Variants in RCOR3 observed in about 807,000 individuals in gnomAD.
RCOR3 encodes REST corepressor 3.
In RCOR3, 13 loss-of-function variants were observed where a neutral mutation model predicts 64.1. The observed-to-expected ratio is 0.20, with a 90% CI of 0.13 to 0.32. The LOEUF (loss-of-function observed/expected upper bound fraction) is 0.32. RCOR3 is among the 10% of genes least tolerant of loss of function. The pLI, the probability that RCOR3 is intolerant of heterozygous loss-of-function variation, is 1.00. For missense variants in RCOR3, 489 were observed against 701.2 expected (o/e 0.70, Z 3.42); for synonymous variants, 215 against 239.0 (o/e 0.90, Z 0.93).
At chr1:211,266,484 G>A (rs1447295680) in intron 2 of RCOR3, among the ~76,000 whole-genome samples, 3 of 152,158 alleles carry the variant, frequency 2.0e-5, no homozygotes, top group African/African-American at 7.2e-5. Flanking sequence ...ACTTAAAACT[G>A]AAGACAACTG....
chr1:211,312,629 T>C lies in RCOR3; in HGVS notation c.1076-91T>C. 9.1e-6 allele frequency: 8 copies of C among 878,328 alleles called. No individual in the cohort carries two copies. In the South Asian group the frequency reaches 1.1e-4, roughly 12 times the overall value. The allele number at this position is 878,328 out of a possible 1,614,324, so 54.4% of individuals were successfully genotyped here. ...CAGAGTTTATCAGAAAGGAATTTCA[T>C]TGCTGGTATCTTTTGTGTGTGCATG... is the stretch of plus-strand genomic sequence containing the variant. On this transcript the variant is annotated intron_variant, in intron 10 of 11. Transcript: ENST00000419091. This position sits in a 1 kb window ranked among gnomAD's most constrained non-coding sequence, Gnocchi z 5.0.
chr1:211,277,073 G>A (rs61850990), intron 5 of RCOR3, among the ~76,000 whole-genome samples: 6,678 of 148,066 alleles, frequency 0.045, 204 homozygotes, highest in Non-Finnish European at 0.069. Context: ...GCAACAGCGC[G>A]AGACTCTGTC....
At chr1:211,262,872 T>C (rs1181021198) in intron 2 of RCOR3, among the ~76,000 whole-genome samples, 4 of 40,416 alleles carry the variant, frequency 9.9e-5, no homozygotes, top group Non-Finnish European at 2.4e-4. Flanking sequence ...TTAAACAACT[T>C]TTTTTTTTTA....
intron 2 of RCOR3, among the ~76,000 whole-genome samples, chr1:211,266,229 A>G (rs12403576): frequency 0.49 from 75,030 of 152,006 alleles, 21,170 homozygotes; most frequent in East Asian, 0.63. Context: ...AAAATGTTAA[A>G]ATATGTTTAG....
intron 9 of RCOR3, among the ~76,000 whole-genome samples, chr1:211,300,924 G>A (rs1357913588): frequency 5.9e-5 from 9 of 151,996 alleles, no homozygotes; most frequent in Non-Finnish European, 1.3e-4. Flanking sequence ...GTGCGTGTGT[G>A]TGTGTGTAAA....
chr1:211,271,117 A>T, intron 2 of RCOR3, 115 bp from the exon 3 acceptor site: 1 of 758,316 alleles, frequency 1.3e-6, no homozygotes, highest in Non-Finnish European at 2.1e-6. Flanking sequence ...TCGGCCTCCC[A>T]AAGTACTGGG....
intron 9 of RCOR3, among the ~76,000 whole-genome samples, chr1:211,301,001 A>C (rs1342953186): frequency 6.6e-6 from 1 of 152,146 alleles, no homozygotes; most frequent in Non-Finnish European, 1.5e-5. Context: ...GGTCCACTCC[A>C]ATGCTGGAGG....
At chr1:211,296,708 A>G (rs1273846437) in intron 9 of RCOR3, among the ~76,000 whole-genome samples, 1 of 152,166 alleles carries the variant, frequency 6.6e-6, no homozygotes, top group East Asian at 1.9e-4. Flanking sequence ...TATGGAAAAG[A>G]GTGAAAAATA....
At position 211,262,033 on chromosome 1, in the gene RCOR3, C is replaced by CTTTTTTTTTTT. The variant is rs1196587722; in HGVS notation, c.223+1881_223+1891dup. On this transcript the variant is annotated intron_variant, in intron 2 of 11. Coordinates refer to ENST00000419091, the MANE Select transcript of RCOR3 (RefSeq NM_001136223.3). ...GCCTCAGTATTCCTAGCTATAAAAACTTTTTTTTTTTTTTTTTTTTTTGAG... is the reference window on the plus strand; with the variant it reads ...GCCTCAGTATTCCTAGCTATAAAAACTTTTTTTTTTTTTTTTTTTTTTTTTTTTTTTTTGAG... Among the ~76,000 whole-genome samples the CTTTTTTTTTTT allele has an allele frequency of 3.8e-4, 25 of 65,510 alleles. 4 individuals carry two copies. The highest frequency in any genetic ancestry group is 2.2e-3 in the East Asian group (4 of 1,806). The allele number at this position is 65,510 out of a possible 152,430, so 43.0% of individuals were successfully genotyped here.
chr1:211,278,771 A>G (rs1697362612), intron 6 of RCOR3, among the ~76,000 whole-genome samples: 1 of 151,424 alleles, frequency 6.6e-6, no homozygotes, highest in African/African-American at 2.5e-5. Context: ...GTTTCTGAAC[A>G]CTACAGAAAT....
intron 8 of RCOR3, among the ~76,000 whole-genome samples, chr1:211,294,638 G>A (rs1312457448): frequency 7.3e-6 from 1 of 137,686 alleles, no homozygotes; most frequent in African/African-American, 2.8e-5. Flanking sequence ...CGCCCAGGCT[G>A]GAGTGCAGCG....
chr1:211,297,125 C>T (rs1699928365), intron 9 of RCOR3, among the ~76,000 whole-genome samples: 1 of 151,994 alleles, frequency 6.6e-6, no homozygotes, highest in East Asian at 1.9e-4. Flanking sequence ...CAAGAAAACT[C>T]CAGGCCCAGA....
At chr1:211,265,208 T>G (rs1203816811) in intron 2 of RCOR3, among the ~76,000 whole-genome samples, 1 of 152,226 alleles carries the variant, frequency 6.6e-6, no homozygotes, top group Non-Finnish European at 1.5e-5. Flanking sequence ...TGTAGTGTAT[T>G]GAAAATATTA....
intron 9 of RCOR3, among the ~76,000 whole-genome samples, chr1:211,296,072 A>C (rs1445310804): frequency 3.9e-5 from 6 of 152,218 alleles, no homozygotes; most frequent in Non-Finnish European, 8.8e-5. Flanking sequence ...GGTCTACAGC[A>C]ATGTTTGCTG....
At chr1:211,306,709 G>A (rs1700883962) in intron 10 of RCOR3, among the ~76,000 whole-genome samples, 1 of 152,034 alleles carries the variant, frequency 6.6e-6, no homozygotes. Context: ...TTATTTTCCT[G>A]TTCCATCTAC....
At position 211,259,570 on chromosome 1, in the gene RCOR3, A is replaced by G. The variant is rs763712089; in HGVS notation, c.10A>G (p.Met4Val). 2 of 1,543,872 alleles carry G rather than the reference A, an allele frequency of 1.3e-6. No individual in the cohort carries two copies. Among genetic ancestry groups the G allele is most frequent in the Admixed American group, 2.0e-5 (1 of 50,560 alleles). MPG[M>V]MEKGPELLGK... ...CCTCCCCTGTTCTACCATGCCCGGCATGATGGAGAAAGGGCCCGAGTTACT... is the reference window on the plus strand; with the variant it reads ...CCTCCCCTGTTCTACCATGCCCGGCGTGATGGAGAAAGGGCCCGAGTTACT... Residue 4 changes from methionine (M) to valine (V), a missense_variant, in exon 1 of 12, where the codon ATG becomes GTG. Physicochemically the swap from Met to Val is conservative, Grantham distance 21. Coordinates refer to ENST00000419091, the MANE Select transcript of RCOR3 (RefSeq NM_001136223.3).
chr1:211,309,086 TAAAAA>T (rs10688171), intron 10 of RCOR3, among the ~76,000 whole-genome samples: 3 of 113,908 alleles, frequency 2.6e-5, no homozygotes, highest in Admixed American at 9.6e-5. Flanking sequence ...TAGCTAAACA[TAAAAA>T]AAAAAAAAAA....
rs1017216475 is a variant in RCOR3 at position 211,259,519 on chromosome 1, G to T, written c.-42G>T. 32 of 1,520,220 alleles carry T rather than the reference G, an allele frequency of 2.1e-5. No individual in the cohort carries two copies. The highest frequency in any genetic ancestry group is 2.8e-5 in the Non-Finnish European group (32 of 1,132,048). The allele number at this position is 1,520,220 out of a possible 1,614,324, so 94.2% of individuals were successfully genotyped here. On this transcript the variant is annotated 5_prime_UTR_variant, in exon 1 of 12. Coordinates refer to ENST00000419091, the MANE Select transcript of RCOR3 (RefSeq NM_001136223.3). ...AAGCCATCTCCGCCTTCACCCTGAC[G>T]CCTGCCTCTTCCCCTCACCTTTCCC...
Position 211,262,817 on chromosome 1 carries a change from C to T in RCOR3, c.223+2653C>T, listed in dbSNP as rs544970923. 2.1e-3 allele frequency among the ~76,000 whole-genome samples: 216 copies of T among 104,700 alleles called. 3 individuals carry two copies. Among genetic ancestry groups the T allele is most frequent in the African/African-American group, 1.0e-2 (207 of 20,704 alleles). 68.7% of individuals were successfully genotyped at this position (104,700 alleles called of 152,430 possible). ...TAATATTAATGTGATTTTGCATGGC[C>T]ACTGGTTTTTTTTTTTTTGAAGAAG... On this transcript the variant is annotated intron_variant, in intron 2 of 11. Coordinates refer to ENST00000419091, the MANE Select transcript of RCOR3 (RefSeq NM_001136223.3).
Sources: allele counts gnomAD v4.1 joint callset (sites outside exome capture counted in the v4.1 genomes callset), GRCh38; gene constraint gnomAD v4.1.1; non-coding constraint Gnocchi (gnomAD v3.1); transcripts MANE v1.5; gene names NCBI Gene and HGNC (gene_info 2026-07-23, HGNC 2026-07-21).